The following SORCS2 variants were observed in gnomAD, a reference collection of about 807,000 sequenced individuals.
The protein encoded by SORCS2 is sortilin related VPS10 domain containing receptor 2, also known as VPS10 domain-containing receptor SorCS2.
SORCS2 carries 100 observed loss-of-function variants against 141.6 expected under a neutral mutation model. The ratio of observed to expected loss-of-function variants is 0.71; its 90% CI spans 0.60 to 0.83. The LOEUF (loss-of-function observed/expected upper bound fraction) is 0.83, where lower values mean the gene tolerates loss of function less well. Ranked by LOEUF, SORCS2 falls within the 40% of genes least tolerant of loss-of-function variation. The pLI is 0.00. For missense variants in SORCS2, 1,646 were observed against 1,560.2 expected, an observed-to-expected ratio of 1.05 and a Z score of -0.93; for synonymous variants, 789 against 676.9, an observed-to-expected ratio of 1.17 and a Z score of -2.57.
chr4:7,481,954 G>A (rs1258108910), intron 2 of SORCS2, among the ~76,000 whole-genome samples: 9 of 134,738 alleles, frequency 6.7e-5, no homozygotes, highest in African/African-American at 2.4e-4. Context: ...TCCCCACTGC[G>A]GACACCCCTG....
chr4:7,525,063 C>T (rs958127754), intron 2 of SORCS2, among the ~76,000 whole-genome samples: 5 of 152,216 alleles, frequency 3.3e-5, no homozygotes, highest in African/African-American at 7.2e-5. Context: ...GCCCACTGGG[C>T]GTTCTCCAGC....
chr4:7,215,718 G>T (rs942746318), intron 1 of SORCS2, among the ~76,000 whole-genome samples: 1 of 152,226 alleles, frequency 6.6e-6, no homozygotes, highest in African/African-American at 2.4e-5. Flanking sequence ...CTAGCTCAGG[G>T]TTTGTGAGTG....
At chr4:7,596,732 G>A (rs1717300209) in intron 3 of SORCS2, among the ~76,000 whole-genome samples, 1 of 152,064 alleles carries the variant, frequency 6.6e-6, no homozygotes, top group Admixed American at 6.5e-5. Context: ...GGGCACCCAG[G>A]GCTCTCTGTT....
intron 2 of SORCS2, among the ~76,000 whole-genome samples, chr4:7,519,619 G>A (rs896625279): frequency 1.2e-4 from 19 of 152,232 alleles, no homozygotes; most frequent in African/African-American, 4.6e-4. Flanking sequence ...TGTAAAACTT[G>A]GCTGCTCATC....
intron 3 of SORCS2, among the ~76,000 whole-genome samples, chr4:7,539,717 A>C (rs1297932632): frequency 7.1e-5 from 4 of 56,524 alleles, no homozygotes; most frequent in Non-Finnish European, 2.0e-4. Context: ...CCTGCTGTGG[A>C]GGCCCCGCCC....
At chr4:7,504,415 G>T (rs1265528856) in intron 2 of SORCS2, among the ~76,000 whole-genome samples, 1 of 152,208 alleles carries the variant, frequency 6.6e-6, no homozygotes, top group Non-Finnish European at 1.5e-5. Context: ...TCCCTGCTGG[G>T]TGCTGGGCAC....
intron 1 of SORCS2, among the ~76,000 whole-genome samples, chr4:7,222,548 G>A (rs1468694304): frequency 6.6e-6 from 1 of 152,220 alleles, no homozygotes; most frequent in Non-Finnish European, 1.5e-5. Flanking sequence ...TGGACTGGTG[G>A]TGTGTGCGGG....
intron 1 of SORCS2, among the ~76,000 whole-genome samples, chr4:7,270,158 G>C (rs1577341549): frequency 6.6e-6 from 1 of 152,280 alleles, no homozygotes; most frequent in Admixed American, 6.5e-5. Context: ...TGGGATCACA[G>C]GCATGAGCCA....
intron 4 of SORCS2, among the ~76,000 whole-genome samples, chr4:7,639,037 G>A (rs1487771701): frequency 6.6e-6 from 1 of 152,134 alleles, no homozygotes; most frequent in African/African-American, 2.4e-5. Context: ...GGCCAGCCTG[G>A]TGAGGAGCAT....
chr4:7,530,081 T>C (rs75704228), intron 2 of SORCS2, among the ~76,000 whole-genome samples: 2,132 of 152,230 alleles, frequency 0.014, 48 homozygotes, highest in African/African-American at 0.048. Flanking sequence ...TGATAAACAG[T>C]CCATTTTTCT....
At chr4:7,365,183 C>T (rs564905018) in intron 1 of SORCS2, among the ~76,000 whole-genome samples, 7 of 152,306 alleles carry the variant, frequency 4.6e-5, no homozygotes, top group East Asian at 1.9e-4. Context: ...TGAGAGGCCA[C>T]GGAGGTGAGC....
At chr4:7,484,415 GC>G (rs1235464476) in intron 2 of SORCS2, among the ~76,000 whole-genome samples, 1 of 152,142 alleles carries the variant, frequency 6.6e-6, no homozygotes, top group Non-Finnish European at 1.5e-5. Context: ...TTGTCACAGG[GC>G]CCAGCCGGAG....
intron 1 of SORCS2, among the ~76,000 whole-genome samples, chr4:7,246,428 G>A (rs1198671649): frequency 1.4e-5 from 2 of 141,236 alleles, no homozygotes; most frequent in Admixed American, 6.9e-5. Flanking sequence ...CATCTCACTC[G>A]GGGCTTAAAT....
intron 3 of SORCS2, among the ~76,000 whole-genome samples, chr4:7,546,647 C>T (rs535403906): frequency 1.1e-3 from 162 of 152,250 alleles, no homozygotes; most frequent in African/African-American, 3.5e-3. Context: ...GAGGTGCAGC[C>T]GGTGATGGTG....
chr4:7,504,382 G>T (rs1480606096), intron 2 of SORCS2, among the ~76,000 whole-genome samples: 1 of 152,248 alleles, frequency 6.6e-6, no homozygotes, highest in Non-Finnish European at 1.5e-5. Flanking sequence ...GCCCGAGAGT[G>T]GGGGAAGTGG....
chr4:7,320,027 G>C (rs930925411), intron 1 of SORCS2, among the ~76,000 whole-genome samples: 2 of 152,176 alleles, frequency 1.3e-5, no homozygotes, highest in African/African-American at 4.8e-5. Context: ...GAAGGGCCAG[G>C]CATGGTGGCC....
intron 11 of SORCS2, among the ~76,000 whole-genome samples, chr4:7,690,191 A>G (rs1001673601): frequency 1.3e-5 from 2 of 150,236 alleles, no homozygotes; most frequent in Admixed American, 6.6e-5. Context: ...GAGTAGATGG[A>G]TGGATGAGTG....
intron 12 of SORCS2, among the ~76,000 whole-genome samples, chr4:7,700,270 G>A (rs1724977413): frequency 6.6e-6 from 1 of 152,250 alleles, no homozygotes; most frequent in South Asian, 2.1e-4. Flanking sequence ...AACATTGGCT[G>A]AGCCCCTCGT....
intron 18 of SORCS2, among the ~76,000 whole-genome samples, chr4:7,719,774 G>A (rs1209244379): frequency 1.3e-5 from 2 of 152,178 alleles, no homozygotes; most frequent in African/African-American, 2.4e-5. Context: ...CTGGCGTCTC[G>A]GCAGTGCAGT....
Sources: allele counts gnomAD v4.1 joint callset (sites outside exome capture counted in the v4.1 genomes callset), GRCh38; gene constraint gnomAD v4.1.1; transcripts MANE v1.5; gene names NCBI Gene and HGNC (gene_info 2026-07-23, HGNC 2026-07-21).